NKAIN2: variants seen among roughly 807,000 people sequenced by gnomAD.
The protein encoded by NKAIN2 is sodium/potassium transporting ATPase interacting 2, also known as sodium/potassium-transporting ATPase subunit beta-1-interacting protein 2.
NKAIN2 carries 14 observed loss-of-function variants against 32.6 expected under a neutral mutation model. The observed-to-expected ratio is 0.43, with a 90% CI of 0.28 to 0.67. The LOEUF is 0.67. NKAIN2 is among the 30% of genes least tolerant of loss of function. NKAIN2 has a pLI of 0.17. For synonymous variants in NKAIN2, 80 were observed against 87.2 expected, an observed-to-expected ratio of 0.92 and a Z score of 0.46; for missense variants, 198 against 258.3, an observed-to-expected ratio of 0.77 and a Z score of 1.60.
At chr6:124,070,772 T>C (rs1049507803) in intron 1 of NKAIN2, among the ~76,000 whole-genome samples, 1 of 152,116 alleles carries the variant, frequency 6.6e-6, no homozygotes, top group East Asian at 1.9e-4. Context: ...AAAATTCATA[T>C]GGAACCAAAA....
chr6:124,376,178 C>G (rs190118951), intron 3 of NKAIN2, among the ~76,000 whole-genome samples: 49 of 152,086 alleles, frequency 3.2e-4, no homozygotes, highest in African/African-American at 1.2e-3. Flanking sequence ...AAAAACCCAC[C>G]CTGATAAATC....
intron 5 of NKAIN2, among the ~76,000 whole-genome samples, chr6:124,812,949 T>G (rs755043512): frequency 2.0e-5 from 3 of 152,156 alleles, no homozygotes; most frequent in Non-Finnish European, 4.4e-5. Flanking sequence ...CTGTCTGTCT[T>G]TCACATTTTC....
chr6:124,586,817 G>A (rs1009147565), intron 3 of NKAIN2, among the ~76,000 whole-genome samples: 3 of 152,048 alleles, frequency 2.0e-5, no homozygotes, highest in Non-Finnish European at 4.4e-5. Flanking sequence ...TGGATAAATC[G>A]TGATACCTCT....
intron 3 of NKAIN2, among the ~76,000 whole-genome samples, chr6:124,356,175 C>T (rs747567473): frequency 1.3e-5 from 2 of 152,082 alleles, no homozygotes; most frequent in African/African-American, 2.4e-5. Context: ...ATTTGTAAAA[C>T]CCAGAGATAC....
rs549967976 is a variant in NKAIN2 at position 124,500,693 on chromosome 6, TAAATA to T, written c.273+145356_273+145360del. Among the ~76,000 whole-genome samples the T allele has an allele frequency of 1.4e-3, 219 of 151,092 alleles. 1 individual carries two copies. Among genetic ancestry groups the T allele is most frequent in the African/African-American group, 4.8e-3 (196 of 41,210 alleles). On this transcript the variant is annotated intron_variant, in intron 3 of 6. Transcript: ENST00000368417. ...ATAAATAAATAAATAAATAATAAAATAAATAAAATAAAATGGGAAGATAGGGCTAA... is the reference window on the plus strand; with the variant it reads ...ATAAATAAATAAATAAATAATAAAATAAATAAAATGGGAAGATAGGGCTAA...
chr6:124,321,370 A>G (rs1797182000), intron 2 of NKAIN2, among the ~76,000 whole-genome samples: 1 of 152,158 alleles, frequency 6.6e-6, no homozygotes, highest in Non-Finnish European at 1.5e-5. Flanking sequence ...CCTAATGTAG[A>G]TGACAGGTTG....
intron 1 of NKAIN2, among the ~76,000 whole-genome samples, chr6:123,819,238 C>T (rs566039223): frequency 4.5e-4 from 69 of 152,038 alleles, no homozygotes; most frequent in African/African-American, 1.6e-3. Flanking sequence ...CTGTATGCCT[C>T]GGGAATAGTA....
At chr6:124,267,000 A>T (rs1037802425) in intron 1 of NKAIN2, among the ~76,000 whole-genome samples, 8 of 151,674 alleles carry the variant, frequency 5.3e-5, no homozygotes, top group Non-Finnish European at 1.2e-4. Context: ...AAGAGATTCT[A>T]TAAAGATAGA....
In NKAIN2 at chr6:123,884,792, A is replaced by C. The variant is rs114139042; in HGVS notation, c.54+80538A>C. Reference sequence around the variant, plus strand: ...ATGCTGAGATGACCAAGTCTGTGACAAATAAAAATAGTACTCTATTTTACC... The same window carrying C: ...ATGCTGAGATGACCAAGTCTGTGACCAATAAAAATAGTACTCTATTTTACC... On this transcript the variant is annotated intron_variant, in intron 1 of 6. Coordinates refer to ENST00000368417, the MANE Select transcript of NKAIN2 (RefSeq NM_001040214.3). Among the ~76,000 whole-genome samples the C allele has an allele frequency of 8.1e-3, 1,238 of 152,192 alleles. 14 individuals are homozygous for C. The highest frequency in any genetic ancestry group is 0.028 in the African/African-American group (1,156 of 41,534).
chr6:123,831,906 G>A (rs552971603), intron 1 of NKAIN2, among the ~76,000 whole-genome samples: 42 of 152,158 alleles, frequency 2.8e-4, no homozygotes, highest in African/African-American at 8.7e-4. Flanking sequence ...CGCCCGCCTC[G>A]GCCTTGCAAA....
chr6:124,649,302 T>A (rs1383638832), intron 3 of NKAIN2, among the ~76,000 whole-genome samples: 1 of 152,146 alleles, frequency 6.6e-6, no homozygotes, highest in Non-Finnish European at 1.5e-5. Context: ...TAACTACAGA[T>A]ATCTGGACAA....
intron 3 of NKAIN2, among the ~76,000 whole-genome samples, chr6:124,394,494 G>GATAA (rs1773283519): frequency 6.6e-6 from 1 of 151,514 alleles, no homozygotes; most frequent in Non-Finnish European, 1.5e-5. Flanking sequence ...TAGATAGATA[G>GATAA]ATAGATAGAT....
At chr6:123,893,619 T>C (rs1253799515) in intron 1 of NKAIN2, among the ~76,000 whole-genome samples, 1 of 152,232 alleles carries the variant, frequency 6.6e-6, no homozygotes, top group East Asian at 1.9e-4. Context: ...GTAAGTGACA[T>C]GTTCAGTGTC....
intron 4 of NKAIN2, among the ~76,000 whole-genome samples, chr6:124,689,501 G>A (rs2114533440): frequency 1.3e-5 from 2 of 152,104 alleles, no homozygotes; most frequent in Middle Eastern, 6.8e-3. Context: ...CATAGATTGT[G>A]CAAAGACAGT....
chr6:124,532,707 G>T (rs980211879), intron 3 of NKAIN2, among the ~76,000 whole-genome samples: 2 of 152,212 alleles, frequency 1.3e-5, no homozygotes, highest in African/African-American at 4.8e-5. Context: ...ACAGGAAACT[G>T]CTGGAAAAGC....
At chr6:123,867,829 C>T (rs1159101710) in intron 1 of NKAIN2, among the ~76,000 whole-genome samples, 3 of 151,118 alleles carry the variant, frequency 2.0e-5, no homozygotes, top group Non-Finnish European at 4.4e-5. Flanking sequence ...GATATTTGAG[C>T]ATCAGTCAAT....
chr6:124,533,040 C>T (rs1194021002), intron 3 of NKAIN2, among the ~76,000 whole-genome samples: 2 of 152,064 alleles, frequency 1.3e-5, no homozygotes, highest in African/African-American at 4.8e-5. Context: ...TTTTCCTACC[C>T]GTTTTGATGT....
chr6:124,689,127 C>A (rs1774137923), intron 4 of NKAIN2, among the ~76,000 whole-genome samples: 1 of 152,108 alleles, frequency 6.6e-6, no homozygotes, highest in Non-Finnish European at 1.5e-5. Context: ...CCTCCACATC[C>A]TTGCCAGCAT....
intron 1 of NKAIN2, among the ~76,000 whole-genome samples, chr6:124,210,052 G>GT (rs899701575): frequency 2.5e-4 from 37 of 148,596 alleles, no homozygotes; most frequent in East Asian, 7.9e-4. Flanking sequence ...TTTCCCTGAT[G>GT]TTTTTTTTTC....
Sources: gnomAD v4.1 joint callset for allele counts (sites outside exome capture counted in the v4.1 genomes callset) on GRCh38, gnomAD v4.1.1 for gene constraint, MANE v1.5 for transcripts, NCBI Gene and HGNC (gene_info 2026-07-23, HGNC 2026-07-21) for gene names.